The following ITPR1 variants were observed in gnomAD, a reference collection of about 807,000 sequenced individuals.
ITPR1 encodes the protein inositol 1,4,5-trisphosphate receptor type 1.
ITPR1 carries 96 observed loss-of-function variants against 318.4 expected under a neutral mutation model. The ratio of observed to expected loss-of-function variants is 0.30; its 90% CI spans 0.26 to 0.36. The LOEUF is 0.36. Among genes scored for constraint, ITPR1 ranks in the 10% least tolerant of loss-of-function variants. ITPR1 has a pLI of 1.00. For synonymous variants in ITPR1, 1,312 were observed against 1,289.9 expected (o/e 1.02, Z -0.37); for missense variants, 2,440 against 3,460.2 (o/e 0.71, Z 7.40).
intron 44 of ITPR1, among the ~76,000 whole-genome samples, chr3:4,764,902 A>G (rs2045705930): frequency 6.6e-6 from 1 of 151,950 alleles, no homozygotes; most frequent in African/African-American, 2.4e-5. Context: ...TATAACTGAC[A>G]TAGTGCCCAC....
chr3:4,660,603 A>C (rs1308525523), intron 13 of ITPR1, among the ~76,000 whole-genome samples: 1 of 152,068 alleles, frequency 6.6e-6, no homozygotes, highest in Non-Finnish European at 1.5e-5. Flanking sequence ...GATCTCATTT[A>C]TTGTTTCACT....
rs746263071 is a variant in ITPR1, at chr3:4,673,394, C to G, written c.2456+7C>G. ...CGGAGATCGCCATTGACGAGTGAGC[C>G]TGGCACCTGAAAACCTCACTTTACA... On this transcript the variant is annotated splice_region_variant and intron_variant, in intron 21 of 61. Coordinates refer to ENST00000649015, the MANE Select transcript of ITPR1 (RefSeq NM_001378452.1). The G allele has an allele frequency of 3.1e-6, 5 of 1,594,738 alleles. No individual in the cohort carries two copies. The highest frequency in any genetic ancestry group is 2.3e-5 in the South Asian group (2 of 88,826).
At chr3:4,581,960 T>TTA (rs1559484471) in intron 4 of ITPR1, among the ~76,000 whole-genome samples, 1 of 151,648 alleles carries the variant, frequency 6.6e-6, no homozygotes, top group East Asian at 1.9e-4. Flanking sequence ...TTTTTTTTTT[T>TTA]AAAAAGGAAA....
chr3:4,680,138 A>G (rs1329990171), intron 24 of ITPR1, among the ~76,000 whole-genome samples: 1 of 152,232 alleles, frequency 6.6e-6, no homozygotes, highest in Non-Finnish European at 1.5e-5. Context: ...AATTTTCCAT[A>G]GTAAAAAACA....
chr3:4,803,784 A>C (rs2048386583), intron 54 of ITPR1, among the ~76,000 whole-genome samples: 1 of 152,136 alleles, frequency 6.6e-6, no homozygotes, highest in Admixed American at 6.5e-5. Flanking sequence ...TGGGGGAAAG[A>C]CTCAACTGAG....
chr3:4,689,143 G>A (rs1470995583), intron 31 of ITPR1, among the ~76,000 whole-genome samples: 1 of 152,150 alleles, frequency 6.6e-6, no homozygotes, highest in Non-Finnish European at 1.5e-5. Context: ...CATTATGGAT[G>A]CCTTTGCAAA....
chr3:4,740,943 TG>T (rs1159075691), intron 44 of ITPR1, among the ~76,000 whole-genome samples: 2 of 152,350 alleles, frequency 1.3e-5, no homozygotes, highest in South Asian at 2.1e-4. Context: ...CCTTGTGGCT[TG>T]ATGTTTTGTA....
At chr3:4,843,674 TA>T (rs1666269555) in intron 61 of ITPR1, among the ~76,000 whole-genome samples, 2 of 152,140 alleles carry the variant, frequency 1.3e-5, no homozygotes, top group Admixed American at 6.5e-5. Context: ...GGAATATGAC[TA>T]CCTGAGCAAA....
chr3:4,684,478 A>G (rs905147861), intron 29 of ITPR1, 132 bp downstream of exon 29: 3 of 667,130 alleles, frequency 4.5e-6, no homozygotes, highest in Non-Finnish European at 8.0e-6. Context: ...GAGAAAGTAG[A>G]GCTCAGAGGT....
intron 44 of ITPR1, chr3:4,750,722 GC>G (rs1003067979): frequency 6.6e-6 from 1 of 150,562 alleles, no homozygotes; most frequent in Non-Finnish European, 1.5e-5. Context: ...CCTTCCTTTT[GC>G]CCCCTTCCTT....
rs751629308 is a variant in ITPR1 at position 4,729,848 on chromosome 3, G to GA, written c.5220+2682dup. Reference sequence around the variant, plus strand: ...TGCATACTGTAGGTGTAAACTGCTGGAAAAAAACTGGTATTATTTTTAAAA... The same window carrying GA: ...TGCATACTGTAGGTGTAAACTGCTGGAAAAAAAACTGGTATTATTTTTAAAA... On this transcript the variant is annotated intron_variant, in intron 42 of 61. Transcript: ENST00000649015. 5.3e-5 allele frequency among the ~76,000 whole-genome samples: 8 copies of GA among 151,582 alleles called. No individual in the cohort carries two copies. The East Asian group carries it at 9.7e-4, about 18-fold the overall frequency.
intron 59 of ITPR1, among the ~76,000 whole-genome samples, chr3:4,815,985 TACACACACACACAC>T (rs10607666): frequency 0.011 from 1,684 of 149,690 alleles, 28 homozygotes; most frequent in African/African-American, 0.039. Flanking sequence ...ATTTGCTTTA[TACACACACACACAC>T]ACACACACAC....
Position 4,653,020 on chromosome 3 carries a change from A to G in ITPR1, c.951+802A>G, listed in dbSNP as rs140135526. ...ATGTCTGTGAAGAGTTTTTGAGGAGACGAAAGACTCAATGCTGAAGGACAG... is the reference window on the plus strand; with the variant it reads ...ATGTCTGTGAAGAGTTTTTGAGGAGGCGAAAGACTCAATGCTGAAGGACAG... On this transcript the variant is annotated intron_variant, in intron 11 of 61. Coordinates refer to ENST00000649015, the MANE Select transcript of ITPR1 (RefSeq NM_001378452.1). Among the ~76,000 whole-genome samples, 669 of 152,270 alleles carry G rather than the reference A, an allele frequency of 4.4e-3. 8 individuals are homozygous for G. The highest frequency in any genetic ancestry group is 0.015 in the African/African-American group (625 of 41,544).
chr3:4,572,247 C>T (rs1276660817), intron 4 of ITPR1, among the ~76,000 whole-genome samples: 4 of 152,184 alleles, frequency 2.6e-5, no homozygotes, highest in African/African-American at 9.7e-5. Context: ...TTGGATGTAT[C>T]TCATAGGCAT....
intron 35 of ITPR1, among the ~76,000 whole-genome samples, chr3:4,701,796 G>C (rs751324807): frequency 6.6e-6 from 1 of 152,156 alleles, no homozygotes; most frequent in African/African-American, 2.4e-5. Context: ...CTCACACATA[G>C]CATGCCCTTA....
intron 5 of ITPR1, among the ~76,000 whole-genome samples, chr3:4,636,049 G>A (rs1490349412): frequency 1.3e-5 from 2 of 151,598 alleles, no homozygotes; most frequent in African/African-American, 2.4e-5. Context: ...TAGTAGAGAT[G>A]GGGTTTCTCC....
chr3:4,523,116 G>A (rs184138331), intron 4 of ITPR1, among the ~76,000 whole-genome samples: 1 of 152,196 alleles, frequency 6.6e-6, no homozygotes, highest in Non-Finnish European at 1.5e-5. Context: ...GCTGATCTAG[G>A]TTTCGCTTTT....
At chr3:4,829,221 G>A (rs559079723) in intron 60 of ITPR1, among the ~76,000 whole-genome samples, 15 of 152,292 alleles carry the variant, frequency 9.8e-5, no homozygotes, top group Middle Eastern at 3.4e-3. Context: ...CTCATTCACC[G>A]TCCTGTATAC....
At chr3:4,805,152 A>G (rs2048478593) in intron 54 of ITPR1, among the ~76,000 whole-genome samples, 1 of 152,174 alleles carries the variant, frequency 6.6e-6, no homozygotes, top group Non-Finnish European at 1.5e-5. Flanking sequence ...GTTCATTTTG[A>G]CCAAGAAACC....
Sources: allele counts gnomAD v4.1 joint callset (sites outside exome capture counted in the v4.1 genomes callset), GRCh38; gene constraint gnomAD v4.1.1; transcripts MANE v1.5; gene names NCBI Gene and HGNC (gene_info 2026-07-23, HGNC 2026-07-21).